Variants in ESRRG observed in about 807,000 individuals in gnomAD.
The protein encoded by ESRRG is estrogen-related receptor gamma.
ESRRG carries 13 observed loss-of-function variants against 44.0 expected under a neutral mutation model. That is an observed-to-expected ratio of 0.30 (90% CI 0.19 to 0.47). ESRRG has a LOEUF of 0.47. Among genes scored for constraint, ESRRG ranks in the 20% least tolerant of loss-of-function variants. The probability of loss-of-function intolerance (pLI) is 1.00; values close to 1 mark genes in which losing one functional copy is unlikely to be tolerated. For missense variants in ESRRG, 395 were observed against 580.6 expected (o/e 0.68, Z 3.29); for synonymous variants, 215 against 214.6 (o/e 1.00, Z -0.02).
chr1:216,548,857 A>G (rs554566664), intron 5 of ESRRG, among the ~76,000 whole-genome samples: 3 of 152,240 alleles, frequency 2.0e-5, no homozygotes, highest in East Asian at 1.9e-4. Flanking sequence ...TACCCAACAC[A>G]TTTAAAATAA....
chr1:216,595,179 AT>A lies in ESRRG; in HGVS notation c.590-27082del, dbSNP rs144211092. ...ATTAAAACTAAACATTACATAGCAC[AT>A]TTTTAAAATGTTTAATGATAGAAAA... On this transcript the variant is annotated intron_variant, in intron 3 of 6. Transcript: ENST00000408911. Among the ~76,000 whole-genome samples, 123 of 152,320 alleles carry A rather than the reference AT, an allele frequency of 8.1e-4. 2 individuals are homozygous for A. The East Asian group carries it at 0.013, about 16-fold the overall frequency.
chr1:216,762,852 C>A (rs2152350315), intron 2 of ESRRG, among the ~76,000 whole-genome samples: 1 of 151,852 alleles, frequency 6.6e-6, no homozygotes, highest in East Asian at 1.9e-4. Context: ...AAGGGAATAC[C>A]AATATAAGTG....
In ESRRG at chr1:216,941,582, G is replaced by A. The variant is rs549602439; in HGVS notation, c.-105-1909C>T. On this transcript the variant is annotated intron_variant, in intron 1 of 7. Coordinates refer to the ESRRG transcript ENST00000359162. ...ACCTCAGGAGATTCGGTTTGTGGGC[G>A]AGGGGAGACGGTGGGGCATTGGAAG... Among the ~76,000 whole-genome samples the A allele has an allele frequency of 3.3e-5, 5 of 152,258 alleles. No individual in the cohort carries two copies. The South Asian group carries it at 8.3e-4, about 25-fold the overall frequency.
intron 1 of ESRRG, among the ~76,000 whole-genome samples, chr1:217,112,522 G>C (rs570198025): frequency 6.6e-6 from 1 of 152,148 alleles, no homozygotes; most frequent in East Asian, 1.9e-4. Flanking sequence ...TGTACCTAAA[G>C]GTCTTCAGGA....
intron 1 of ESRRG, among the ~76,000 whole-genome samples, chr1:217,086,109 C>T (rs893643735): frequency 6.6e-6 from 1 of 152,144 alleles, no homozygotes; most frequent in African/African-American, 2.4e-5. Context: ...ATCATTACTT[C>T]AAAACGACAG....
At chr1:216,940,655 T>C (rs2065065073) in intron 1 of ESRRG, among the ~76,000 whole-genome samples, 1 of 152,166 alleles carries the variant, frequency 6.6e-6, no homozygotes, top group Non-Finnish European at 1.5e-5. Context: ...CTGTAGACTT[T>C]GGGGAGTGAA....
At chr1:216,959,195 C>T (rs1220646778) in intron 1 of ESRRG, among the ~76,000 whole-genome samples, 1 of 152,014 alleles carries the variant, frequency 6.6e-6, no homozygotes, top group African/African-American at 2.4e-5. Flanking sequence ...ACAACTTTTG[C>T]TCACTACTGA....
intron 2 of ESRRG, among the ~76,000 whole-genome samples, chr1:216,903,408 TGTGTGGTTGTG>T (rs1391681149): frequency 7.0e-6 from 1 of 142,724 alleles, no homozygotes; most frequent in East Asian, 2.1e-4. Context: ...TGCATATATA[TGTGTGGTTGTG>T]TGTGTTCAAG....
intron 1 of ESRRG, among the ~76,000 whole-genome samples, chr1:217,037,245 T>C (rs1051450029): frequency 6.6e-6 from 1 of 152,232 alleles, no homozygotes; most frequent in Non-Finnish European, 1.5e-5. Flanking sequence ...TTTTCTTATT[T>C]CACTGTATTA....
Position 216,878,515 on chromosome 1 carries a change from C to T in ESRRG, c.-14+61067G>A, listed in dbSNP as rs145213013. Among the ~76,000 whole-genome samples, 37 of 152,236 alleles carry T rather than the reference C, an allele frequency of 2.4e-4. No homozygotes were observed. The East Asian group carries it at 6.6e-3, about 27-fold the overall frequency. The stretch of plus-strand genomic sequence containing the variant: ...TGAAGATATTCTCCTGCATTTTCTT[C>T]TATTTCTTTCATAGTTTTACCTTCC... On this transcript the variant is annotated intron_variant, in intron 2 of 7. Transcript: ENST00000359162.
intron 1 of ESRRG, among the ~76,000 whole-genome samples, chr1:216,983,686 ATGTGTG>A (rs6143621): frequency 0.25 from 37,804 of 149,188 alleles, 5,024 homozygotes; most frequent in South Asian, 0.48. Flanking sequence ...GTGCATGTGC[ATGTGTG>A]TGTGTGTGTG....
chr1:216,908,778 T>C (rs2059968015), intron 2 of ESRRG, among the ~76,000 whole-genome samples: 1 of 151,568 alleles, frequency 6.6e-6, no homozygotes, highest in South Asian at 2.1e-4. Flanking sequence ...TTACCTAATG[T>C]TGTTGGGCAC....
chr1:217,042,583 T>G (rs111930693), intron 1 of ESRRG, among the ~76,000 whole-genome samples: 93 of 151,254 alleles, frequency 6.1e-4, no homozygotes, highest in African/African-American at 2.2e-3. Context: ...TGTCCCTAGC[T>G]CCCCACACTC....
intron 1 of ESRRG, among the ~76,000 whole-genome samples, chr1:216,694,484 C>A (rs909124462): frequency 6.6e-6 from 1 of 152,058 alleles, no homozygotes; most frequent in Non-Finnish European, 1.5e-5. Flanking sequence ...CTGAAGGTAA[C>A]TAAGGAGAAA....
At chr1:216,782,235 C>T (rs781397048) in intron 2 of ESRRG, among the ~76,000 whole-genome samples, 2 of 152,010 alleles carry the variant, frequency 1.3e-5, no homozygotes, top group Admixed American at 6.6e-5. Context: ...CCCTTTAAAT[C>T]CCTTTTCTTT....
chr1:217,065,638 A>G (rs1436884060), intron 1 of ESRRG, among the ~76,000 whole-genome samples: 1 of 152,172 alleles, frequency 6.6e-6, no homozygotes, highest in Non-Finnish European at 1.5e-5. Flanking sequence ...GCCACACTGG[A>G]TACTGTCTGC....
At position 216,720,629 on chromosome 1, in the gene ESRRG, G is replaced by A. The variant is rs11572665; in HGVS notation, c.56+2615C>T. On this transcript the variant is annotated intron_variant, in intron 1 of 6. Transcript: ENST00000408911. ...CTGCCTATTTTATCACCTATAATTTGACATTATGGAATTACTTTGGGATTG... is the reference window on the plus strand; with the variant it reads ...CTGCCTATTTTATCACCTATAATTTAACATTATGGAATTACTTTGGGATTG... Among the ~76,000 whole-genome samples, 486 of 151,942 alleles carry A rather than the reference G, an allele frequency of 3.2e-3. 4 individuals are homozygous for A. The highest frequency in any genetic ancestry group is 0.011 in the African/African-American group (468 of 41,444).
At chr1:216,639,974 C>T (rs1394917217) in intron 3 of ESRRG, among the ~76,000 whole-genome samples, 1 of 152,224 alleles carries the variant, frequency 6.6e-6, no homozygotes, top group Non-Finnish European at 1.5e-5. Flanking sequence ...ATATCACTCT[C>T]TTCTAATGGC....
intron 3 of ESRRG, among the ~76,000 whole-genome samples, chr1:216,624,647 C>A (rs1389847613): frequency 6.6e-6 from 1 of 152,172 alleles, no homozygotes; most frequent in African/African-American, 2.4e-5. Flanking sequence ...TAATACATAA[C>A]CGAACCTTCA....
Sources: gnomAD v4.1 joint callset for allele counts (sites outside exome capture counted in the v4.1 genomes callset) on GRCh38, gnomAD v4.1.1 for gene constraint, MANE v1.5 for transcripts, NCBI Gene and HGNC (gene_info 2026-07-23, HGNC 2026-07-21) for gene names.